The following C12orf42 variants were observed in gnomAD, a reference collection of about 807,000 sequenced individuals.
C12orf42 encodes the protein uncharacterized protein C12orf42.
Under a neutral mutation model 21.6 loss-of-function variants are expected in C12orf42, and 25 were observed. That is an observed-to-expected ratio of 1.16 (90% CI 0.84 to 1.62). The LOEUF is 1.62. Ranked by LOEUF, C12orf42 falls within the 40% of genes most tolerant of loss-of-function variation. C12orf42 has a pLI of 0.00. For missense variants in C12orf42, 483 were observed against 459.3 expected (o/e 1.05, Z -0.47); for synonymous variants, 174 against 175.0 (o/e 0.99, Z 0.05).
chr12:103,101,957 T>C, the C12orf42 span, among the ~76,000 whole-genome samples: 1 of 152,220 alleles, frequency 6.6e-6, no homozygotes, highest in Non-Finnish European at 1.5e-5. Flanking sequence ...TGGGGCTGCA[T>C]GGTACCAAGA....
chr12:103,501,599 G>T, the C12orf42 span, among the ~76,000 whole-genome samples: 1 of 152,126 alleles, frequency 6.6e-6, no homozygotes, highest in Non-Finnish European at 1.5e-5. Flanking sequence ...ACCTGTTCTT[G>T]CTCAAAGATA....
chr12:103,074,675 A>G, the C12orf42 span, among the ~76,000 whole-genome samples: 1 of 152,240 alleles, frequency 6.6e-6, no homozygotes, highest in Non-Finnish European at 1.5e-5. Flanking sequence ...AAAGTAGATA[A>G]TATATAGTGA....
chr12:103,248,350 T>C (rs572467617), intron 10 of C12orf42, among the ~76,000 whole-genome samples: 17 of 152,018 alleles, frequency 1.1e-4, no homozygotes, highest in Non-Finnish European at 1.6e-4. Flanking sequence ...CATTATGGCC[T>C]GATATTACAG....
At chr12:103,096,207 A>G in the C12orf42 span, among the ~76,000 whole-genome samples, 1 of 152,226 alleles carries the variant, frequency 6.6e-6, no homozygotes, top group Admixed American at 6.5e-5. Context: ...AATGTAGAAC[A>G]GGAAATTATC....
At chr12:103,490,781 AC>A (rs1350078611) in intron 1 of C12orf42, among the ~76,000 whole-genome samples, 2 of 151,820 alleles carry the variant, frequency 1.3e-5, no homozygotes, top group African/African-American at 4.8e-5. Context: ...AATTTATAAA[AC>A]ATTATAAGGA....
At chr12:103,509,414 T>C in the C12orf42 span, among the ~76,000 whole-genome samples, 1 of 152,102 alleles carries the variant, frequency 6.6e-6, no homozygotes, top group African/African-American at 2.4e-5. Flanking sequence ...GAGCCAAGCG[T>C]AAGCACCTAC....
chr12:103,490,120 C>A (rs1321697277), intron 1 of C12orf42, among the ~76,000 whole-genome samples: 1 of 152,210 alleles, frequency 6.6e-6, no homozygotes, highest in South Asian at 2.1e-4. Flanking sequence ...ATGTATTGCT[C>A]CTTCCTACAC....
chr12:103,177,580 C>A, the C12orf42 span, among the ~76,000 whole-genome samples: 1 of 152,164 alleles, frequency 6.6e-6, no homozygotes, highest in Admixed American at 6.5e-5. Context: ...CATAGAACTG[C>A]CACTATGGGC....
chr12:103,285,128 T>C (rs769085663), intron 4 of C12orf42, among the ~76,000 whole-genome samples: 1 of 152,340 alleles, frequency 6.6e-6, no homozygotes, highest in East Asian at 1.9e-4. Flanking sequence ...AAAAGCCTCC[T>C]GGATACTGCT....
intron 2 of C12orf42, among the ~76,000 whole-genome samples, chr12:103,406,278 A>G (rs1436475143): frequency 6.6e-6 from 1 of 152,218 alleles, no homozygotes; most frequent in Non-Finnish European, 1.5e-5. Flanking sequence ...ACAAGCTCCC[A>G]GGTGATGTTG....
chr12:103,116,278 C>G, the C12orf42 span, among the ~76,000 whole-genome samples: 3 of 151,504 alleles, frequency 2.0e-5, no homozygotes, highest in Non-Finnish European at 4.4e-5. Context: ...GCGGGAAAAT[C>G]GCTTGAACCT....
At chr12:103,067,567 GC>G in the C12orf42 span, among the ~76,000 whole-genome samples, 1 of 152,074 alleles carries the variant, frequency 6.6e-6, no homozygotes, top group Non-Finnish European at 1.5e-5. Context: ...GGATACACAG[GC>G]CCAGGAATGA....
the C12orf42 span, among the ~76,000 whole-genome samples, chr12:103,057,798 C>T: frequency 2.6e-5 from 4 of 152,144 alleles, no homozygotes; most frequent in South Asian, 8.3e-4. Context: ...CAATGGTTGA[C>T]TAATCTACAC....
At chr12:103,318,084 T>C (rs1294023260) in intron 4 of C12orf42, among the ~76,000 whole-genome samples, 1 of 152,168 alleles carries the variant, frequency 6.6e-6, no homozygotes, top group Non-Finnish European at 1.5e-5. Context: ...GGTTCATTGC[T>C]TGAGGCCAGC....
At chr12:103,367,723 G>A (rs11111540) in intron 4 of C12orf42, among the ~76,000 whole-genome samples, 67,408 of 151,706 alleles carry the variant, frequency 0.44, 16,423 homozygotes, top group East Asian at 0.66. Flanking sequence ...TGTCTACTAT[G>A]TACCTCTTTA....
At chr12:103,245,478 T>TA (rs1054703485) in intron 10 of C12orf42, among the ~76,000 whole-genome samples, 6 of 151,960 alleles carry the variant, frequency 3.9e-5, no homozygotes, top group East Asian at 3.9e-4. Flanking sequence ...ATTTTTCATG[T>TA]AAAAAAACAG....
In C12orf42 at chr12:103,339,609, C is replaced by G. The variant is rs2137206771; in HGVS notation, c.259+29278G>C. 1.3e-5 allele frequency among the ~76,000 whole-genome samples: 2 copies of G among 152,270 alleles called. 1 individual carries two copies. Among genetic ancestry groups the G allele is most frequent in the South Asian group, 4.1e-4 (2 of 4,824 alleles). ...TGAAGAAAAGCTCAACATCACTGAT[C>G]ATTAGAGAAATGCAAATCAAAAGCA... On this transcript the variant is annotated intron_variant, in intron 4 of 5. Coordinates refer to ENST00000548883, the MANE Select transcript of C12orf42 (RefSeq NM_198521.5).
the C12orf42 span, among the ~76,000 whole-genome samples, chr12:103,513,597 T>C: frequency 2.6e-5 from 4 of 152,178 alleles, no homozygotes; most frequent in Non-Finnish European, 5.9e-5. Flanking sequence ...GATTAGAAAA[T>C]GGGGTCTTTC....
the C12orf42 span, among the ~76,000 whole-genome samples, chr12:103,050,787 T>A: frequency 6.6e-6 from 1 of 151,960 alleles, no homozygotes; most frequent in Non-Finnish European, 1.5e-5. Context: ...CAATTAAAAA[T>A]TTATAAAAAC....
Sources: gnomAD v4.1 joint callset for allele counts (sites outside exome capture counted in the v4.1 genomes callset) on GRCh38, gnomAD v4.1.1 for gene constraint, MANE v1.5 for transcripts, NCBI Gene and HGNC (gene_info 2026-07-23, HGNC 2026-07-21) for gene names.